Variants in TP63 observed in about 807,000 individuals in gnomAD.
The protein encoded by TP63 is tumor protein p63, also known as tumor protein 63.
TP63 carries 17 observed loss-of-function variants against 82.8 expected under a neutral mutation model. The ratio of observed to expected loss-of-function variants is 0.21; its 90% CI spans 0.14 to 0.31. The LOEUF is 0.31. TP63 is among the 10% of genes least tolerant of loss of function. TP63 has a pLI of 1.00. For missense variants in TP63, 648 were observed against 895.3 expected, an observed-to-expected ratio of 0.72 and a Z score of 3.52; for synonymous variants, 330 against 321.7, an observed-to-expected ratio of 1.03 and a Z score of -0.28.
Position 189,631,548 on chromosome 3 carries a change from A to G in TP63, c.33A>G (p.Leu11=). Residue 11 remains leucine, a synonymous_variant, in exon 1 of 14, where the codon CTA becomes CTG. Coordinates refer to ENST00000264731, the MANE Select transcript of TP63 (RefSeq NM_003722.5). MNFETSRCAT[L]QYCPDPYIQR... Reference sequence around the variant, plus strand: ...TTGAAACTTCACGGTGTGCCACCCTACAGTACTGCCCTGACCCTTACATCC... The same window carrying G: ...TTGAAACTTCACGGTGTGCCACCCTGCAGTACTGCCCTGACCCTTACATCC... 6 of 1,612,966 alleles carry G rather than the reference A, an allele frequency of 3.7e-6. No homozygotes were observed. Among genetic ancestry groups the G allele is most frequent in the Non-Finnish European group, 5.1e-6 (6 of 1,179,152 alleles).
At chr3:189,823,178 G>A (rs1363842585) in intron 4 of TP63, among the ~76,000 whole-genome samples, 4 of 152,238 alleles carry the variant, frequency 2.6e-5, no homozygotes, top group African/African-American at 9.6e-5. Context: ...AAAACACACA[G>A]CAAGCCTTCT....
chr3:189,794,528 A>G (rs1725492611), intron 3 of TP63, among the ~76,000 whole-genome samples: 1 of 152,084 alleles, frequency 6.6e-6, no homozygotes, highest in Non-Finnish European at 1.5e-5. Flanking sequence ...AATAAGCATC[A>G]GCAAAGGGAA....
At chr3:189,699,752 A>C (rs954891103) in intron 1 of TP63, among the ~76,000 whole-genome samples, 4 of 152,182 alleles carry the variant, frequency 2.6e-5, no homozygotes, top group African/African-American at 9.7e-5. Flanking sequence ...GATTTGATTA[A>C]TGTCACTTCT....
intron 3 of TP63, among the ~76,000 whole-genome samples, chr3:189,771,462 A>G (rs981035574): frequency 1.4e-5 from 2 of 142,472 alleles, no homozygotes; most frequent in East Asian, 3.9e-4. Context: ...TATTAAATAT[A>G]TAATATTTAA....
intron 4 of TP63, among the ~76,000 whole-genome samples, chr3:189,816,172 C>T (rs942787062): frequency 2.0e-5 from 3 of 152,166 alleles, no homozygotes; most frequent in Non-Finnish European, 4.4e-5. Flanking sequence ...TTAATTGGCA[C>T]ATAGTGTGCC....
intron 3 of TP63, among the ~76,000 whole-genome samples, chr3:189,784,538 A>G (rs1560181088): frequency 6.6e-6 from 1 of 152,092 alleles, no homozygotes; most frequent in Non-Finnish European, 1.5e-5. Context: ...GTATTAAATG[A>G]GTTTGTTATA....
At chr3:189,822,602 C>T (rs1470384861) in intron 4 of TP63, among the ~76,000 whole-genome samples, 1 of 152,120 alleles carries the variant, frequency 6.6e-6, no homozygotes, top group Non-Finnish European at 1.5e-5. Context: ...TACCCAGGCG[C>T]ACTACCAGGA....
At chr3:189,660,333 T>C (rs1021229902) in intron 1 of TP63, among the ~76,000 whole-genome samples, 2 of 151,984 alleles carry the variant, frequency 1.3e-5, no homozygotes, top group African/African-American at 2.4e-5. Flanking sequence ...TTTTTGTTGA[T>C]TTTGTCAAAG....
intron 4 of TP63, among the ~76,000 whole-genome samples, chr3:189,848,137 G>A (rs1234691230): frequency 6.6e-6 from 1 of 151,898 alleles, no homozygotes; most frequent in Non-Finnish European, 1.5e-5. Context: ...ATTCCTCATC[G>A]GCGAATAAAG....
At chr3:189,677,813 C>T (rs1341543065) in intron 1 of TP63, among the ~76,000 whole-genome samples, 1 of 151,990 alleles carries the variant, frequency 6.6e-6, no homozygotes, top group African/African-American at 2.4e-5. Context: ...GATGGTATCT[C>T]ATTGTGGTTT....
chr3:189,773,523 G>A (rs1012223908), intron 3 of TP63, among the ~76,000 whole-genome samples: 1 of 152,164 alleles, frequency 6.6e-6, no homozygotes, highest in African/African-American at 2.4e-5. Context: ...AGCCAAAATT[G>A]TTTCCTTTTA....
At chr3:189,736,764 A>G (rs1411247785) in intron 1 of TP63, among the ~76,000 whole-genome samples, 2 of 147,734 alleles carry the variant, frequency 1.4e-5, no homozygotes, top group African/African-American at 5.0e-5. Flanking sequence ...TTACTAGACC[A>G]GAACACATAT....
chr3:189,833,863 G>T (rs1047489082), intron 4 of TP63, among the ~76,000 whole-genome samples: 1 of 152,110 alleles, frequency 6.6e-6, no homozygotes, highest in African/African-American at 2.4e-5. Context: ...TTATTATTTT[G>T]CATTCTGCCA....
chr3:189,889,233 C>T, intron 11 of TP63, 107 bp from the exon 12 acceptor site: 10 of 1,507,072 alleles, frequency 6.6e-6, no homozygotes, highest in Non-Finnish European at 9.2e-6. Flanking sequence ...AAAAGGAAGG[C>T]TGGTAGTTTA....
chr3:189,877,954 G>A (rs1023342931), intron 10 of TP63, among the ~76,000 whole-genome samples: 6 of 152,060 alleles, frequency 3.9e-5, no homozygotes, highest in African/African-American at 1.2e-4. Context: ...GGGCTCAAGC[G>A]ATCCCCTGCC....
intron 4 of TP63, among the ~76,000 whole-genome samples, chr3:189,842,635 G>T (rs986109163): frequency 6.6e-6 from 1 of 152,278 alleles, no homozygotes; most frequent in South Asian, 2.1e-4. Context: ...TGGTTTGCAG[G>T]CCTTTAATCA....
intron 6 of TP63, 24 bp from the exon 7 acceptor site, chr3:189,867,809 A>T: frequency 1.2e-6 from 2 of 1,602,152 alleles, no homozygotes; most frequent in Non-Finnish European, 1.7e-6. Flanking sequence ...TTGTTAACAC[A>T]GATTATTTAC....
chr3:189,848,381 CT>C (rs11333114), intron 4 of TP63, among the ~76,000 whole-genome samples: 36,585 of 143,664 alleles, frequency 0.25, 4,692 homozygotes, highest in South Asian at 0.35. Flanking sequence ...CCATACCTGG[CT>C]TTTTTTTTTT....
chr3:189,658,993 A>C (rs186959505), intron 1 of TP63, among the ~76,000 whole-genome samples: 4 of 152,208 alleles, frequency 2.6e-5, no homozygotes, highest in African/African-American at 9.6e-5. Flanking sequence ...AAACTGTCCT[A>C]TCTTTCAATT....
Sources: gnomAD v4.1 joint callset for allele counts (sites outside exome capture counted in the v4.1 genomes callset) on GRCh38, gnomAD v4.1.1 for gene constraint, MANE v1.5 for transcripts, NCBI Gene and HGNC (gene_info 2026-07-23, HGNC 2026-07-21) for gene names.